PPFIA2: variants seen among roughly 807,000 people sequenced by gnomAD.
The protein encoded by PPFIA2 is PPFI scaffold protein A2.
In PPFIA2, 46 loss-of-function variants were observed where a neutral mutation model predicts 175.5. The ratio of observed to expected loss-of-function variants is 0.26; its 90% confidence interval spans 0.21 to 0.34. The LOEUF (loss-of-function observed/expected upper bound fraction) is 0.34, where lower values mean the gene tolerates loss of function less well. PPFIA2 is among the 10% of genes least tolerant of loss of function. PPFIA2 has a pLI of 1.00. For synonymous variants in PPFIA2, 568 were observed against 511.4 expected (o/e 1.11, Z -1.49); for missense variants, 1,179 against 1,506.1 (o/e 0.78, Z 3.60).
intron 3 of PPFIA2, among the ~76,000 whole-genome samples, chr12:81,735,553 T>G (rs2081468311): frequency 6.6e-6 from 1 of 151,864 alleles, no homozygotes; most frequent in Admixed American, 6.6e-5. Flanking sequence ...ATTTTTCATT[T>G]TCTTACTATT....
intron 3 of PPFIA2, among the ~76,000 whole-genome samples, chr12:81,733,634 TAAAAC>T (rs1032809264): frequency 1.3e-4 from 19 of 151,730 alleles, no homozygotes; most frequent in African/African-American, 4.6e-4. Flanking sequence ...CTTATGAAGA[TAAAAC>T]AAAATATTTA....
chr12:81,626,685 T>C (rs1339523062), intron 4 of PPFIA2, among the ~76,000 whole-genome samples: 1 of 152,064 alleles, frequency 6.6e-6, no homozygotes, highest in East Asian at 1.9e-4. Context: ...CTTCCAGAAA[T>C]TCAATTAGAG....
chr12:81,653,142 C>CA (rs1480230289), intron 4 of PPFIA2, among the ~76,000 whole-genome samples: 1 of 152,076 alleles, frequency 6.6e-6, no homozygotes, highest in African/African-American at 2.4e-5. Context: ...TGTTCTATTT[C>CA]ACTTAATTTT....
chr12:81,576,607 A>C (rs554628548), intron 4 of PPFIA2, among the ~76,000 whole-genome samples: 14 of 151,922 alleles, frequency 9.2e-5, no homozygotes, highest in African/African-American at 3.4e-4. Flanking sequence ...CCATGAGTTT[A>C]TGATAGCATC....
intron 4 of PPFIA2, among the ~76,000 whole-genome samples, chr12:81,581,370 T>C (rs867244137): frequency 2.6e-5 from 4 of 151,684 alleles, no homozygotes; most frequent in South Asian, 4.2e-4. Context: ...TTAAACTATC[T>C]AGTGATGGAT....
At chr12:81,560,559 T>C (rs2069832184) in intron 4 of PPFIA2, among the ~76,000 whole-genome samples, 1 of 152,184 alleles carries the variant, frequency 6.6e-6, no homozygotes, top group African/African-American at 2.4e-5. Context: ...TGTAAGAGCC[T>C]ATGTGTCAGG....
intron 4 of PPFIA2, among the ~76,000 whole-genome samples, chr12:81,571,409 G>C (rs960484104): frequency 6.6e-6 from 1 of 152,070 alleles, no homozygotes; most frequent in African/African-American, 2.4e-5. Context: ...GCTGCCATTT[G>C]ACCTAGCTAC....
chr12:81,681,265 A>T (rs1257019769), intron 3 of PPFIA2, among the ~76,000 whole-genome samples: 1 of 152,056 alleles, frequency 6.6e-6, no homozygotes, highest in African/African-American at 2.4e-5. Context: ...ATCATTTCAG[A>T]TAATGAAAGC....
intron 3 of PPFIA2, among the ~76,000 whole-genome samples, chr12:81,726,933 C>G (rs1403386049): frequency 6.6e-6 from 1 of 151,290 alleles, no homozygotes; most frequent in Non-Finnish European, 1.5e-5. Context: ...AATGGCATGT[C>G]TCTGATTGAA....
intron 4 of PPFIA2, among the ~76,000 whole-genome samples, chr12:81,648,412 TA>T (rs201544651): frequency 3.3e-5 from 5 of 151,852 alleles, no homozygotes; most frequent in African/African-American, 4.8e-5. Flanking sequence ...AAAGTTAATA[TA>T]AAAAATCAAT....
At chr12:81,672,953 T>A (rs983018783) in intron 4 of PPFIA2, among the ~76,000 whole-genome samples, 1 of 151,992 alleles carries the variant, frequency 6.6e-6, no homozygotes, top group Non-Finnish European at 1.5e-5. Flanking sequence ...AATAGCTACA[T>A]AACAATCAAA....
At chr12:81,435,431 A>G (rs1339899651) in intron 7 of PPFIA2, among the ~76,000 whole-genome samples, 1 of 152,224 alleles carries the variant, frequency 6.6e-6, no homozygotes, top group Non-Finnish European at 1.5e-5. Context: ...TCTTTTCTAC[A>G]GAAGTCATGG....
chr12:81,759,146 A>AC (rs2085132570), intron 1 of PPFIA2, 134 bp downstream of exon 1: 1 of 141,330 alleles, frequency 7.1e-6, no homozygotes, highest in South Asian at 2.3e-4. Context: ...GGCAAACATC[A>AC]CCCCACGCCG....
chr12:81,515,301 T>C (rs1246437882), intron 4 of PPFIA2, among the ~76,000 whole-genome samples: 1 of 151,912 alleles, frequency 6.6e-6, no homozygotes, highest in Non-Finnish European at 1.5e-5. Context: ...ACCTTTCCTG[T>C]AGGATAGAAA....
intron 3 of PPFIA2, among the ~76,000 whole-genome samples, chr12:81,709,504 C>T (rs965242981): frequency 1.3e-5 from 2 of 152,052 alleles, no homozygotes; most frequent in Non-Finnish European, 2.9e-5. Flanking sequence ...CACACACACA[C>T]ACGCATGCAT....
At chr12:81,458,824 CCCTT>C (rs1454844794) in intron 4 of PPFIA2, among the ~76,000 whole-genome samples, 2 of 152,026 alleles carry the variant, frequency 1.3e-5, no homozygotes, top group Non-Finnish European at 2.9e-5. Flanking sequence ...TATCACCAAA[CCCTT>C]TAGAGTGATT....
intron 4 of PPFIA2, among the ~76,000 whole-genome samples, chr12:81,601,168 G>A (rs1429825108): frequency 6.6e-6 from 1 of 151,868 alleles, no homozygotes; most frequent in African/African-American, 2.4e-5. Context: ...GCAGGAGGGA[G>A]AAATAGTACT....
intron 6 of PPFIA2, among the ~76,000 whole-genome samples, chr12:81,443,925 G>A (rs1348389504): frequency 9.6e-4 from 138 of 143,646 alleles, no homozygotes; most frequent in Admixed American, 3.7e-3. Context: ...CGCGATCTGG[G>A]CTCACTGCAA....
chr12:81,482,404 T>C (rs1420575540), intron 4 of PPFIA2, among the ~76,000 whole-genome samples: 2 of 152,172 alleles, frequency 1.3e-5, no homozygotes, highest in African/African-American at 2.4e-5. Context: ...ACCCAAAGGA[T>C]TATAATTCAT....
Sources: gnomAD v4.1 joint callset for allele counts (sites outside exome capture counted in the v4.1 genomes callset) on GRCh38, gnomAD v4.1.1 for gene constraint, MANE v1.5 for transcripts, NCBI Gene and HGNC (gene_info 2026-07-23, HGNC 2026-07-21) for gene names.